CACNA2D3: variants seen among roughly 807,000 people sequenced by gnomAD.
CACNA2D3 encodes the protein voltage-dependent calcium channel subunit alpha-2/delta-3.
A neutral mutation model predicts 160.6 loss-of-function variants in CACNA2D3; 60 were observed. That is an observed-to-expected ratio of 0.37 (90% CI 0.30 to 0.46). The LOEUF is 0.46. Among genes scored for constraint, CACNA2D3 ranks in the 20% least tolerant of loss-of-function variants. The pLI is 1.00. For missense variants in CACNA2D3, 1,205 were observed against 1,365.0 expected, an observed-to-expected ratio of 0.88 and a Z score of 1.85; for synonymous variants, 558 against 492.9, an observed-to-expected ratio of 1.13 and a Z score of -1.75.
At chr3:54,883,566 A>G (rs1023100634) in intron 21 of CACNA2D3, among the ~76,000 whole-genome samples, 2 of 152,120 alleles carry the variant, frequency 1.3e-5, no homozygotes, top group African/African-American at 4.8e-5. Flanking sequence ...GTCCTGTGAA[A>G]TAGAGCCAGA....
At chr3:54,420,851 T>C (rs1699826697) in intron 4 of CACNA2D3, among the ~76,000 whole-genome samples, 1 of 152,254 alleles carries the variant, frequency 6.6e-6, no homozygotes, top group African/African-American at 2.4e-5. Flanking sequence ...CGTTAGGATT[T>C]CTGGAAAGCA....
intron 4 of CACNA2D3, among the ~76,000 whole-genome samples, chr3:54,454,732 C>A (rs1448440303): frequency 6.6e-6 from 1 of 152,098 alleles, no homozygotes; most frequent in Non-Finnish European, 1.5e-5. Context: ...TATCCATTAA[C>A]CAACCTTTGG....
chr3:54,876,885 G>T (rs1388625632), intron 18 of CACNA2D3: 2 of 152,136 alleles, frequency 1.3e-5, no homozygotes, highest in African/African-American at 4.8e-5. Flanking sequence ...GGATCCCTGG[G>T]ATCTGGGAGT....
chr3:54,439,440 AGT>A (rs1251291303), intron 4 of CACNA2D3, among the ~76,000 whole-genome samples: 2 of 152,172 alleles, frequency 1.3e-5, no homozygotes, highest in African/African-American at 4.8e-5. Flanking sequence ...CAACCAAGGC[AGT>A]CTCTGTCACC....
intron 2 of CACNA2D3, among the ~76,000 whole-genome samples, chr3:54,133,003 A>C (rs1199130553): frequency 6.6e-6 from 1 of 152,126 alleles, no homozygotes; most frequent in Admixed American, 6.5e-5. Context: ...CATTGTTATT[A>C]TTATTCTCAA....
At chr3:54,364,303 G>T (rs1698792898) in intron 3 of CACNA2D3, among the ~76,000 whole-genome samples, 1 of 152,168 alleles carries the variant, frequency 6.6e-6, no homozygotes, top group Non-Finnish European at 1.5e-5. Flanking sequence ...AAACAACAGG[G>T]ACATACGATT....
chr3:54,165,068 A>G (rs143822501), intron 2 of CACNA2D3, among the ~76,000 whole-genome samples: 5 of 151,166 alleles, frequency 3.3e-5, no homozygotes, highest in African/African-American at 1.2e-4. Context: ...CTGCCTCTTA[A>G]CTAGCTAAGT....
intron 27 of CACNA2D3, chr3:54,967,048 A>G (rs971162562): frequency 6.6e-6 from 1 of 152,268 alleles, no homozygotes; most frequent in African/African-American, 2.4e-5. Context: ...AAGGCAGAGC[A>G]GAATGAGCCT....
chr3:54,465,330 A>C (rs927652328), intron 4 of CACNA2D3, among the ~76,000 whole-genome samples: 2 of 152,092 alleles, frequency 1.3e-5, no homozygotes, highest in African/African-American at 4.8e-5. Context: ...AATTTGAGGG[A>C]CAGAGAGCTA....
chr3:54,823,120 G>A (rs1043936416), intron 14 of CACNA2D3, among the ~76,000 whole-genome samples: 4 of 151,856 alleles, frequency 2.6e-5, no homozygotes, highest in East Asian at 1.9e-4. Flanking sequence ...CTCCCAAAGT[G>A]CTGGGATTCC....
rs535896130 is a variant in CACNA2D3 at position 54,583,099 on chromosome 3, C to T, written c.963+1222C>T. 1.8e-4 allele frequency among the ~76,000 whole-genome samples: 28 copies of T among 152,158 alleles called. 2 individuals are homozygous for T. Among genetic ancestry groups the T allele is most frequent in the African/African-American group, 6.0e-4 (25 of 41,510 alleles). ...AGCCGCATTTTTCTAGAGACTTTCC[C>T]GTTGTTTGGCCATTGTGTAAGTGAA... is the stretch of plus-strand genomic sequence containing the variant. On this transcript the variant is annotated intron_variant, in intron 9 of 37. Coordinates refer to ENST00000474759, the MANE Select transcript of CACNA2D3 (RefSeq NM_018398.3).
At chr3:54,831,591 C>T (rs1020856316) in intron 14 of CACNA2D3, among the ~76,000 whole-genome samples, 3 of 152,182 alleles carry the variant, frequency 2.0e-5, no homozygotes, top group African/African-American at 7.2e-5. Flanking sequence ...TCTTTTATAC[C>T]ATCATAAAGA....
chr3:54,733,212 T>G (rs922969328), intron 11 of CACNA2D3, among the ~76,000 whole-genome samples: 1 of 152,244 alleles, frequency 6.6e-6, no homozygotes, highest in South Asian at 2.1e-4. Flanking sequence ...GTAATCTTAA[T>G]GTAAACAGGC....
intron 2 of CACNA2D3, among the ~76,000 whole-genome samples, chr3:54,163,238 A>G (rs1313656613): frequency 2.0e-5 from 3 of 152,240 alleles, no homozygotes; most frequent in African/African-American, 7.2e-5. Flanking sequence ...GTAACAACCA[A>G]ATCTCAGTGT....
At chr3:54,816,047 G>T (rs1170749904) in intron 13 of CACNA2D3, among the ~76,000 whole-genome samples, 1 of 152,110 alleles carries the variant, frequency 6.6e-6, no homozygotes, top group Non-Finnish European at 1.5e-5. Context: ...CGTAAATGTT[G>T]ATCTTTTTCC....
At chr3:54,598,671 C>A (rs1459112633) in intron 9 of CACNA2D3, among the ~76,000 whole-genome samples, 1 of 152,104 alleles carries the variant, frequency 6.6e-6, no homozygotes, top group Non-Finnish European at 1.5e-5. Context: ...CTCTACCTTT[C>A]GACATTTTTA....
chr3:54,330,733 C>T (rs1008155718), intron 3 of CACNA2D3, among the ~76,000 whole-genome samples: 1 of 152,208 alleles, frequency 6.6e-6, no homozygotes, highest in African/African-American at 2.4e-5. Flanking sequence ...GCCTCTTGGC[C>T]AGCCAGTGGG....
intron 25 of CACNA2D3, among the ~76,000 whole-genome samples, chr3:54,895,168 C>T (rs1226915150): frequency 6.6e-6 from 1 of 152,014 alleles, no homozygotes; most frequent in Non-Finnish European, 1.5e-5. Flanking sequence ...TGAAGACGGC[C>T]ATAGAAAGGA....
At chr3:54,721,876 C>T (rs1024083931) in intron 11 of CACNA2D3, among the ~76,000 whole-genome samples, 16 of 151,872 alleles carry the variant, frequency 1.1e-4, no homozygotes, top group African/African-American at 3.9e-4. Flanking sequence ...GTGAATCTGA[C>T]GTTTATGTGT....
Sources: gnomAD v4.1 joint callset for allele counts (sites outside exome capture counted in the v4.1 genomes callset) on GRCh38, gnomAD v4.1.1 for gene constraint, MANE v1.5 for transcripts, NCBI Gene and HGNC (gene_info 2026-07-23, HGNC 2026-07-21) for gene names.